DNAH3: variants seen among roughly 807,000 people sequenced by gnomAD.
DNAH3 encodes the protein dynein axonemal heavy chain 3, also known as axonemal beta dynein heavy chain 3.
In DNAH3, 332 loss-of-function variants were observed where a neutral mutation model predicts 432.5. The ratio of observed to expected loss-of-function variants is 0.77; its 90% CI spans 0.70 to 0.84. DNAH3 has a LOEUF of 0.84. Ranked by LOEUF, DNAH3 falls within the 40% of genes least tolerant of loss-of-function variation. DNAH3 has a pLI of 0.00. For synonymous variants in DNAH3, 1,956 were observed against 1,900.2 expected (o/e 1.03, Z -0.76); for missense variants, 4,861 against 5,114.0 (o/e 0.95, Z 1.51).
intron 3 of DNAH3, among the ~76,000 whole-genome samples, chr16:21,142,066 T>C (rs2092726229): frequency 6.7e-6 from 1 of 148,298 alleles, no homozygotes; most frequent in African/African-American, 2.5e-5. Flanking sequence ...AATAAATAAA[T>C]AAAATAAAAA....
At chr16:20,959,610 AACACACACACACAC>A (rs55757849) in intron 53 of DNAH3, among the ~76,000 whole-genome samples, 9,358 of 137,620 alleles carry the variant, frequency 0.068, 400 homozygotes, top group East Asian at 0.17. Context: ...TCTCTATTTA[AACACACACACACAC>A]ACACACACAC....
chr16:21,136,368 T>C (rs751657860), exon 6 of DNAH3: 4 of 1,614,036 alleles, frequency 2.5e-6, no homozygotes, highest in Admixed American at 1.7e-5. Context: ...CTCCTTCTCC[T>C]GCACGAGGAC....
chr16:21,126,570 G>A (rs2152816818), intron 8 of DNAH3, among the ~76,000 whole-genome samples: 1 of 152,222 alleles, frequency 6.6e-6, no homozygotes, highest in East Asian at 1.9e-4. Flanking sequence ...CCGTTTATCT[G>A]GACTATCTGA....
chr16:20,988,523 T>A (rs1442120335), intron 44 of DNAH3, among the ~76,000 whole-genome samples: 1 of 152,200 alleles, frequency 6.6e-6, no homozygotes, highest in Non-Finnish European at 1.5e-5. Flanking sequence ...CAAGAGATTC[T>A]CCAGCCTCAG....
At chr16:20,980,260 TTATATTATAATATACATCATATATTATAA>T (rs1248772757) in intron 49 of DNAH3, among the ~76,000 whole-genome samples, 4 of 129,028 alleles carry the variant, frequency 3.1e-5, no homozygotes, top group South Asian at 2.4e-4. Flanking sequence ...ACATCATATA[TTATATTATAATATACATCATATATTATAA>T]TATACATCAT....
intron 41 of DNAH3, among the ~76,000 whole-genome samples, chr16:21,009,569 G>A (rs1270975702): frequency 6.6e-6 from 1 of 152,132 alleles, no homozygotes; most frequent in African/African-American, 2.4e-5. Context: ...CTTGATTTGG[G>A]AACATTTAGG....
At chr16:20,978,399 C>T (rs970185852) in intron 50 of DNAH3, among the ~76,000 whole-genome samples, 2 of 152,088 alleles carry the variant, frequency 1.3e-5, no homozygotes, top group African/African-American at 2.4e-5. Flanking sequence ...CGTGGTGGCA[C>T]GCACCTGTAG....
chr16:21,128,908 T>G (rs1212310391), intron 7 of DNAH3, among the ~76,000 whole-genome samples: 2 of 151,242 alleles, frequency 1.3e-5, no homozygotes, highest in African/African-American at 4.9e-5. Flanking sequence ...AAAAAGCCTC[T>G]TTAAGCCCTC....
chr16:21,115,203 G>A (rs1245482893), intron 12 of DNAH3, among the ~76,000 whole-genome samples: 1 of 152,050 alleles, frequency 6.6e-6, no homozygotes, highest in Non-Finnish European at 1.5e-5. Flanking sequence ...GAGAACACTT[G>A]GACACAGGAA....
intron 41 of DNAH3, chr16:21,019,138 T>C (rs1047381784): frequency 4.0e-5 from 6 of 148,280 alleles, no homozygotes; most frequent in African/African-American, 1.0e-4. Flanking sequence ...GGACCACCCA[T>C]GGGCCAACTC....
At chr16:21,027,217 G>C (rs1452439914) in intron 37 of DNAH3, 90 bp from the exon 38 acceptor site, 3 of 892,714 alleles carry the variant, frequency 3.4e-6, no homozygotes, top group South Asian at 2.8e-5. Flanking sequence ...AAGCTGGTTT[G>C]ATTCATTCCA....
intron 41 of DNAH3, among the ~76,000 whole-genome samples, chr16:21,004,802 C>A (rs1007895963): frequency 1.3e-5 from 2 of 152,022 alleles, no homozygotes; most frequent in African/African-American, 4.8e-5. Context: ...TGATATCAGA[C>A]CATTTCAATT....
intron 1 of DNAH3, among the ~76,000 whole-genome samples, chr16:21,154,089 A>T (rs1300395946): frequency 6.6e-6 from 1 of 152,200 alleles, no homozygotes; most frequent in Non-Finnish European, 1.5e-5. Context: ...AAAAACAGCA[A>T]CTGTAATCCA....
At chr16:21,117,672 C>G (rs952905456) in intron 11 of DNAH3, among the ~76,000 whole-genome samples, 1 of 152,180 alleles carries the variant, frequency 6.6e-6, no homozygotes, top group African/African-American at 2.4e-5. Context: ...TCCTGCTTAG[C>G]ACTCATCACA....
chr16:21,098,401 T>C (rs1351783536), intron 17 of DNAH3, among the ~76,000 whole-genome samples: 1 of 139,220 alleles, frequency 7.2e-6, no homozygotes, highest in Non-Finnish European at 1.5e-5. Flanking sequence ...GTCACATTAC[T>C]GCACTCCAGC....
At chr16:21,018,623 A>T (rs1034919687) in intron 41 of DNAH3, among the ~76,000 whole-genome samples, 9 of 152,190 alleles carry the variant, frequency 5.9e-5, no homozygotes, top group Non-Finnish European at 1.0e-4. Context: ...GGCCCGGTGC[A>T]GTGGCTCACG....
chr16:21,056,564 T>A (rs1223949223), intron 27 of DNAH3, among the ~76,000 whole-genome samples: 1 of 152,180 alleles, frequency 6.6e-6, no homozygotes, highest in African/African-American at 2.4e-5. Flanking sequence ...TCTGTCTCAT[T>A]CACATCTAAT....
chr16:20,992,041 G>A (rs1344245186), intron 44 of DNAH3, among the ~76,000 whole-genome samples: 1 of 152,220 alleles, frequency 6.6e-6, no homozygotes, highest in Non-Finnish European at 1.5e-5. Context: ...AAGTCAGGGT[G>A]TCAGAGAATG....
At chr16:20,989,021 A>T (rs933562332) in intron 44 of DNAH3, among the ~76,000 whole-genome samples, 4 of 152,226 alleles carry the variant, frequency 2.6e-5, no homozygotes, top group African/African-American at 9.6e-5. Context: ...TCATAAAAGC[A>T]GTGTGGACCC....
Sources: gnomAD v4.1 joint callset for allele counts (sites outside exome capture counted in the v4.1 genomes callset) on GRCh38, gnomAD v4.1.1 for gene constraint, MANE v1.5 for transcripts, NCBI Gene and HGNC (gene_info 2026-07-23, HGNC 2026-07-21) for gene names.